Variants in RALGAPA2 observed in about 807,000 individuals in gnomAD.
The protein encoded by RALGAPA2 is Ral GTPase activating protein catalytic subunit alpha 2.
Under a neutral mutation model 230.4 loss-of-function variants are expected in RALGAPA2, and 139 were observed. That is an observed-to-expected ratio of 0.60 (90% CI 0.53 to 0.69). RALGAPA2 has a LOEUF of 0.69. Among genes scored for constraint, RALGAPA2 ranks in the 30% least tolerant of loss-of-function variants. The pLI is 0.00. For synonymous variants in RALGAPA2, 847 were observed against 837.8 expected (o/e 1.01, Z -0.19); for missense variants, 2,163 against 2,276.0 (o/e 0.95, Z 1.01).
chr20:20,453,349 G>A (rs1023082349), intron 37 of RALGAPA2, among the ~76,000 whole-genome samples: 1 of 152,156 alleles, frequency 6.6e-6, no homozygotes, highest in African/African-American at 2.4e-5. Context: ...GGCATGAGAT[G>A]GGGGAAGGTG....
chr20:20,530,617 T>C (rs2063343997), intron 27 of RALGAPA2, among the ~76,000 whole-genome samples: 1 of 152,178 alleles, frequency 6.6e-6, no homozygotes, highest in South Asian at 2.1e-4. Flanking sequence ...GCTGGCCTGA[T>C]GGCGACAGTC....
intron 8 of RALGAPA2, among the ~76,000 whole-genome samples, chr20:20,636,237 T>C (rs1318143223): frequency 1.3e-5 from 2 of 152,172 alleles, no homozygotes; most frequent in African/African-American, 2.4e-5. Context: ...ATAATCAATA[T>C]GAAAATTATA....
At chr20:20,655,552 A>G (rs2067559649) in intron 3 of RALGAPA2, among the ~76,000 whole-genome samples, 1 of 151,752 alleles carries the variant, frequency 6.6e-6, no homozygotes, top group South Asian at 2.1e-4. Context: ...TACAGGAACC[A>G]CAGCAGCAGG....
intron 37 of RALGAPA2, among the ~76,000 whole-genome samples, chr20:20,423,640 C>T (rs1472888951): frequency 6.6e-6 from 1 of 152,182 alleles, no homozygotes; most frequent in Non-Finnish European, 1.5e-5. Context: ...CCAGTTACAT[C>T]CTAAAGCCAT....
In RALGAPA2 at chr20:20,559,022, C is replaced by T. The variant is rs1602789405; in HGVS notation, c.3157-12190G>A. 2.0e-5 allele frequency among the ~76,000 whole-genome samples: 3 copies of T among 152,104 alleles called. 1 individual carries two copies. On this transcript the variant is annotated intron_variant, in intron 23 of 39. Coordinates refer to ENST00000202677, the MANE Select transcript of RALGAPA2 (RefSeq NM_020343.4). ...TTAACAACAAAAAATGATTTCTGTT[C>T]GTTACTTCCCACAACTTCTGGTTTG...
At chr20:20,490,568 C>A (rs2062023791) in intron 36 of RALGAPA2, among the ~76,000 whole-genome samples, 1 of 152,066 alleles carries the variant, frequency 6.6e-6, no homozygotes, top group Non-Finnish European at 1.5e-5. Flanking sequence ...GGTTAGTTGG[C>A]TGTGATTGGG....
intron 3 of RALGAPA2, among the ~76,000 whole-genome samples, chr20:20,672,207 G>C (rs1242508165): frequency 1.3e-5 from 2 of 152,084 alleles, no homozygotes; most frequent in African/African-American, 4.8e-5. Context: ...CAAAAGCAAA[G>C]ACAAATCCTC....
chr20:20,544,248 C>T (rs1191678639), intron 24 of RALGAPA2, among the ~76,000 whole-genome samples: 1 of 151,116 alleles, frequency 6.6e-6, no homozygotes, highest in Non-Finnish European at 1.5e-5. Flanking sequence ...GGTGAAACTC[C>T]ATCTCTACTA....
intron 37 of RALGAPA2, among the ~76,000 whole-genome samples, chr20:20,426,683 C>A (rs2060388908): frequency 6.6e-6 from 1 of 152,318 alleles, no homozygotes; most frequent in East Asian, 1.9e-4. Flanking sequence ...TCATCAGCAA[C>A]ACACAGCATA....
At chr20:20,509,949 T>A (rs1231786234) in intron 33 of RALGAPA2, among the ~76,000 whole-genome samples, 1 of 152,144 alleles carries the variant, frequency 6.6e-6, no homozygotes, top group Non-Finnish European at 1.5e-5. Flanking sequence ...TATATCCAAT[T>A]CAAGAATTCA....
intron 38 of RALGAPA2, among the ~76,000 whole-genome samples, chr20:20,403,240 T>C (rs556230377): frequency 2.8e-4 from 42 of 152,350 alleles, no homozygotes; most frequent in African/African-American, 9.9e-4. Context: ...AGGGCTGCTG[T>C]CTGTCTTGCC....
At chr20:20,522,559 C>T (rs555180521) in intron 30 of RALGAPA2, among the ~76,000 whole-genome samples, 1 of 152,242 alleles carries the variant, frequency 6.6e-6, no homozygotes. Context: ...GGGTATGGGA[C>T]CAGTGGCTAT....
At chr20:20,530,306 G>A (rs1017515325) in intron 27 of RALGAPA2, among the ~76,000 whole-genome samples, 1 of 152,198 alleles carries the variant, frequency 6.6e-6, no homozygotes, top group Admixed American at 6.5e-5. Flanking sequence ...TGTGGCTGGA[G>A]GGACACTCTT....
At chr20:20,459,752 C>T (rs1033165092) in intron 37 of RALGAPA2, among the ~76,000 whole-genome samples, 2 of 152,180 alleles carry the variant, frequency 1.3e-5, no homozygotes, top group African/African-American at 4.8e-5. Context: ...ACATTTCCCA[C>T]CTATCAAGTT....
In RALGAPA2 at chr20:20,605,173, A is replaced by G; in HGVS notation, c.2038+2T>C. 6.3e-7 allele frequency: 1 copy of G among 1,592,374 alleles called. No homozygotes were observed. The highest frequency in any genetic ancestry group is 8.6e-7 in the Non-Finnish European group (1 of 1,163,926). Reference sequence around the variant, plus strand: ...GGTGTTAACCTGGAAGAGTGGAAATACCTTTGCCTCGTTGCTTCTTTTCCT... The same window carrying G: ...GGTGTTAACCTGGAAGAGTGGAAATGCCTTTGCCTCGTTGCTTCTTTTCCT... On this transcript the variant is annotated splice_donor_variant, in intron 15 of 39. Transcript: ENST00000202677. LOFTEE classifies it high-confidence loss of function.
chr20:20,548,903 T>C (rs1335502548), intron 23 of RALGAPA2, among the ~76,000 whole-genome samples: 1 of 152,218 alleles, frequency 6.6e-6, no homozygotes, highest in African/African-American at 2.4e-5. Flanking sequence ...TCTGTTGACA[T>C]ATGTTGCAAT....
chr20:20,606,682 A>G (rs1033879650), intron 14 of RALGAPA2, among the ~76,000 whole-genome samples: 46 of 151,804 alleles, frequency 3.0e-4, no homozygotes, highest in African/African-American at 1.1e-3. Context: ...AGGTCCCTGC[A>G]TTTTCCCCCC....
intron 17 of RALGAPA2, among the ~76,000 whole-genome samples, chr20:20,590,869 C>A (rs1031852516): frequency 6.6e-6 from 1 of 152,104 alleles, no homozygotes; most frequent in Non-Finnish European, 1.5e-5. Context: ...TACTTGACTT[C>A]ATGTTGTAAC....
At chr20:20,452,271 CA>C (rs1397434084) in intron 37 of RALGAPA2, among the ~76,000 whole-genome samples, 1 of 152,164 alleles carries the variant, frequency 6.6e-6, no homozygotes, top group Non-Finnish European at 1.5e-5. Context: ...TATAGTGACC[CA>C]AAAGTCACCA....
Sources: allele counts gnomAD v4.1 joint callset (sites outside exome capture counted in the v4.1 genomes callset), GRCh38; gene constraint gnomAD v4.1.1; transcripts MANE v1.5; gene names NCBI Gene and HGNC (gene_info 2026-07-23, HGNC 2026-07-21).